The following ERN1 variants were observed in gnomAD, a reference collection of about 807,000 sequenced individuals.
ERN1 encodes serine/threonine-protein kinase/endoribonuclease IRE1.
In ERN1, 39 loss-of-function variants were observed where a neutral mutation model predicts 113.1. That is an observed-to-expected ratio of 0.34 (90% CI 0.27 to 0.45). ERN1 has a LOEUF of 0.45. Ranked by LOEUF, ERN1 falls within the 20% of genes least tolerant of loss-of-function variation. The pLI, the probability that ERN1 is intolerant of heterozygous loss-of-function variation, is 1.00. For synonymous variants in ERN1, 507 were observed against 515.9 expected, an observed-to-expected ratio of 0.98 and a Z score of 0.23; for missense variants, 976 against 1,274.8, an observed-to-expected ratio of 0.77 and a Z score of 3.57.
intron 3 of ERN1, among the ~76,000 whole-genome samples, 196 bp from the exon 4 acceptor site, chr17:64,079,930 G>A (rs1027602336): frequency 5.9e-5 from 9 of 152,150 alleles, no homozygotes; most frequent in African/African-American, 2.2e-4. Context: ...TACCCCTATG[G>A]TGGTATACAC....
In ERN1 at chr17:64,054,814, C is replaced by A; in HGVS notation, c.1687G>T (p.Val563Leu). ...EQDDGDEETS[V>L]VIVGKISFCP... ...AAGGAAATTTTCCCAACTATCACCACGCTGGTTTCCTCATCTGGGACAAAA... is the reference window on the plus strand; with the variant it reads ...AAGGAAATTTTCCCAACTATCACCAAGCTGGTTTCCTCATCTGGGACAAAA... Residue 563 changes from valine to leucine, a missense_variant, in exon 14 of 22, where the codon GTG (valine) becomes TTG (leucine). This residue lies in a region of ERN1 where 112 missense variants were observed against 106.2 expected (regional missense o/e 1.05). Coordinates refer to ENST00000433197, the MANE Select transcript of ERN1 (RefSeq NM_001433.5). The surrounding 1 kb of genome is among the most constrained non-coding windows in gnomAD (Gnocchi z 4.9). 2 of 1,608,174 alleles carry A rather than the reference C, an allele frequency of 1.2e-6. No individual in the cohort carries two copies. Among genetic ancestry groups the A allele is most frequent in the African/African-American group, 1.3e-5 (1 of 74,936 alleles).
At chr17:64,110,246 A>T (rs1013353026) in intron 1 of ERN1, among the ~76,000 whole-genome samples, 29 of 152,342 alleles carry the variant, frequency 1.9e-4, no homozygotes, top group African/African-American at 7.0e-4. Flanking sequence ...AAAATTATAT[A>T]TACTTACGGT....
rs1354612314 is a variant in ERN1, at chr17:64,043,995, G to A, written c.2927C>T (p.Ala976Val). ...CAGAGGGGCCGCCCTCGCTCAGAGGGCGTCTGGAGTCACTGGGGGCTGGGG... is the reference window on the plus strand; with the variant it reads ...CAGAGGGGCCGCCCTCGCTCAGAGGACGTCTGGAGTCACTGGGGGCTGGGG... ...PEPQPPVTPDAL is the reference protein window; with the variant it reads ...PEPQPPVTPDVL The change falls in exon 22 of 22, where the codon GCC (alanine) becomes GTC (valine). Residue 976 changes from alanine (A) to valine (V), a missense_variant. Physicochemically the swap from Ala to Val is moderately conservative, Grantham distance 64. This residue lies in a region of ERN1 where 92 missense variants were observed against 87.3 expected (regional missense o/e 1.05). Coordinates refer to ENST00000433197, the MANE Select transcript of ERN1 (RefSeq NM_001433.5). 3.4e-5 allele frequency: 54 copies of A among 1,608,740 alleles called. No homozygotes were observed. The highest frequency in any genetic ancestry group is 4.3e-5 in the Non-Finnish European group (51 of 1,176,448).
chr17:64,108,923 G>T (rs557730671), intron 1 of ERN1, among the ~76,000 whole-genome samples: 1 of 152,126 alleles, frequency 6.6e-6, no homozygotes, highest in Non-Finnish European at 1.5e-5. Context: ...AGGAGTTCGC[G>T]ACCAGCCTGG....
In ERN1 at chr17:64,042,807, G is replaced by A. The variant is rs1432561484; in HGVS notation, c.*1181C>T. On this transcript the variant is annotated 3_prime_UTR_variant, in exon 22 of 22. Coordinates refer to ENST00000433197, the MANE Select transcript of ERN1 (RefSeq NM_001433.5). The stretch of plus-strand genomic sequence containing the variant: ...ATGTTCTATACATGAACACTCTTGA[G>A]GGGATGGTGATTTTTGGTACCACAA... The A allele has an allele frequency of 6.6e-6, 1 of 152,198 alleles. No homozygotes were observed. The highest frequency in any genetic ancestry group is 1.5e-5 in the Non-Finnish European group (1 of 68,034). 9.4% of individuals were successfully genotyped at this position (152,198 alleles called of 1,614,324 possible).
intron 1 of ERN1, among the ~76,000 whole-genome samples, chr17:64,110,869 C>T (rs996763226): frequency 1.3e-5 from 2 of 152,202 alleles, no homozygotes; most frequent in African/African-American, 4.8e-5. Flanking sequence ...TGTGCTGGCA[C>T]AACCAAACCT....
At chr17:64,093,039 T>C (rs1426373473) in intron 2 of ERN1, among the ~76,000 whole-genome samples, 3 of 152,090 alleles carry the variant, frequency 2.0e-5, no homozygotes, top group Admixed American at 6.5e-5. Context: ...CTATTACGTA[T>C]AATTTGCCAC....
chr17:64,129,525 A>G, intron 1 of ERN1: 1 of 328,218 alleles, frequency 3.0e-6, no homozygotes, highest in Non-Finnish European at 5.5e-6. Context: ...CGCAGGACAG[A>G]CCCTTCCCCT....
chr17:64,096,422 A>C (rs117947960), intron 2 of ERN1, among the ~76,000 whole-genome samples: 3,361 of 152,340 alleles, frequency 0.022, 55 homozygotes, highest in South Asian at 0.045. Context: ...GCAGGAAAAG[A>C]AGCTCAGGGC....
chr17:64,081,444 C>T (rs1015986196), intron 2 of ERN1, among the ~76,000 whole-genome samples: 1 of 151,832 alleles, frequency 6.6e-6, no homozygotes, highest in Non-Finnish European at 1.5e-5. Context: ...AATGACCTAC[C>T]CAATAATATG....
chr17:64,113,890 G>A (rs758949312), intron 1 of ERN1, among the ~76,000 whole-genome samples: 9 of 151,866 alleles, frequency 5.9e-5, no homozygotes, highest in Non-Finnish European at 1.2e-4. Context: ...CACCATCTTG[G>A]CCAGGCTGGT....
intron 3 of ERN1, among the ~76,000 whole-genome samples, chr17:64,080,144 G>A (rs1040211545): frequency 6.6e-6 from 1 of 152,210 alleles, no homozygotes; most frequent in Non-Finnish European, 1.5e-5. Context: ...TAAACAGGTA[G>A]AACAAATCTG....
intron 1 of ERN1, among the ~76,000 whole-genome samples, chr17:64,107,223 C>A (rs893780181): frequency 6.6e-6 from 1 of 152,176 alleles, no homozygotes; most frequent in African/African-American, 2.4e-5. Flanking sequence ...GTAAAAGCCT[C>A]ACAATGATCA....
At chr17:64,091,980 C>T (rs1914102874) in intron 2 of ERN1, among the ~76,000 whole-genome samples, 1 of 152,150 alleles carries the variant, frequency 6.6e-6, no homozygotes, top group Non-Finnish European at 1.5e-5. Flanking sequence ...GGCACAACGC[C>T]ACCACTATAG....
At chr17:64,108,205 T>TA (rs373266754) in intron 1 of ERN1, among the ~76,000 whole-genome samples, 5,682 of 141,170 alleles carry the variant, frequency 0.04, 349 homozygotes, top group African/African-American at 0.13. Context: ...TAGATCTGAT[T>TA]AAAAAAAAAA....
rs979707889 is a variant in ERN1, at chr17:64,039,770, C to T, written c.*4218G>A. The T allele has an allele frequency of 6.6e-6, 1 of 152,180 alleles. No homozygotes were observed. Among genetic ancestry groups the T allele is most frequent in the Admixed American group, 6.5e-5 (1 of 15,268 alleles). The allele number at this position is 152,180 out of a possible 1,614,324, so 9.4% of individuals were successfully genotyped here. On this transcript the variant is annotated 3_prime_UTR_variant, in exon 22 of 22. Transcript: ENST00000433197. ...ACTCCCCATCACAGCTTTAGGGACA[C>T]TGAAAAGGAATACTGTATCCACCAA...
intron 1 of ERN1, among the ~76,000 whole-genome samples, chr17:64,107,309 CA>C (rs998739381): frequency 2.6e-5 from 4 of 151,892 alleles, no homozygotes; most frequent in East Asian, 1.9e-4. Context: ...AAGACAGATA[CA>C]AAAAAAATTT....
chr17:64,116,820 C>T (rs529882534), intron 1 of ERN1, among the ~76,000 whole-genome samples: 5 of 151,948 alleles, frequency 3.3e-5, no homozygotes, highest in South Asian at 2.1e-4. Context: ...AAATCAACAA[C>T]GTGGCCGGGA....
At chr17:64,069,445 G>C (rs1427873187) in intron 6 of ERN1, among the ~76,000 whole-genome samples, 1 of 152,160 alleles carries the variant, frequency 6.6e-6, no homozygotes. Context: ...TACAAAACTG[G>C]CCATTTGTTA....
Sources: allele counts gnomAD v4.1 joint callset (sites outside exome capture counted in the v4.1 genomes callset), GRCh38; gene constraint gnomAD v4.1.1; regional missense constraint gnomAD v4.1.1; non-coding constraint Gnocchi (gnomAD v3.1); transcripts MANE v1.5; gene names NCBI Gene and HGNC (gene_info 2026-07-23, HGNC 2026-07-21).